The following PBX3 variants were observed in gnomAD, a reference collection of about 807,000 sequenced individuals.
The protein encoded by PBX3 is PBX homeobox 3.
PBX3 carries 14 observed loss-of-function variants against 48.5 expected under a neutral mutation model. That is an observed-to-expected ratio of 0.29 (90% CI 0.19 to 0.45). The LOEUF (loss-of-function observed/expected upper bound fraction) is 0.45, where lower values mean the gene tolerates loss of function less well. PBX3 is among the 20% of genes least tolerant of loss of function. The probability of loss-of-function intolerance (pLI) is 1.00; values close to 1 mark genes in which losing one functional copy is unlikely to be tolerated. For synonymous variants in PBX3, 210 were observed against 200.3 expected, an observed-to-expected ratio of 1.05 and a Z score of -0.41; for missense variants, 386 against 546.7, an observed-to-expected ratio of 0.71 and a Z score of 2.93.
intron 2 of PBX3, among the ~76,000 whole-genome samples, chr9:125,799,993 C>T (rs1044750724): frequency 1.1e-4 from 17 of 152,214 alleles, no homozygotes; most frequent in African/African-American, 4.1e-4. Context: ...TTCAGCAATG[C>T]TTATTATTGT....
At chr9:125,748,432 C>CA (rs1270831313) in intron 1 of PBX3, 118 bp from the exon 2 acceptor site, 45 of 1,502,024 alleles carry the variant, frequency 3.0e-5, no homozygotes, top group Non-Finnish European at 4.0e-5. Flanking sequence ...TCCCACGGTT[C>CA]AAAAGGGCCT....
intron 2 of PBX3, among the ~76,000 whole-genome samples, chr9:125,903,875 G>T (rs931277282): frequency 6.6e-6 from 1 of 151,858 alleles, no homozygotes; most frequent in South Asian, 2.1e-4. Context: ...CCTGCATCCA[G>T]TTCTAGCTTT....
chr9:125,866,950 T>C (rs571419239), intron 2 of PBX3, among the ~76,000 whole-genome samples: 1 of 152,346 alleles, frequency 6.6e-6, no homozygotes, highest in South Asian at 2.1e-4. Context: ...CATAAAGACG[T>C]GATTTTCATG....
At chr9:125,753,212 AAGTC>A (rs542630329) in intron 2 of PBX3, among the ~76,000 whole-genome samples, 40 of 152,266 alleles carry the variant, frequency 2.6e-4, no homozygotes, top group Middle Eastern at 6.8e-3. Context: ...GAAAAATACA[AAGTC>A]AGAGTATCTT....
intron 5 of PBX3, chr9:125,949,347 T>G: frequency 6.4e-7 from 1 of 1,550,416 alleles, no homozygotes; most frequent in Non-Finnish European, 8.7e-7. Flanking sequence ...TTGTCATCCA[T>G]TCAACCTACA....
chr9:125,857,905 T>G (rs1839763291), intron 2 of PBX3, among the ~76,000 whole-genome samples: 2 of 152,202 alleles, frequency 1.3e-5, no homozygotes, highest in African/African-American at 4.8e-5. Context: ...AGTAGGCACT[T>G]TTAAATTATG....
At chr9:125,951,158 A>G (rs993143524) in intron 5 of PBX3, among the ~76,000 whole-genome samples, 6 of 152,172 alleles carry the variant, frequency 3.9e-5, no homozygotes, top group Non-Finnish European at 7.3e-5. Context: ...GCCCTTTGCA[A>G]ATGGCTACTG....
At chr9:125,950,032 T>G (rs1842159123) in intron 5 of PBX3, among the ~76,000 whole-genome samples, 1 of 151,578 alleles carries the variant, frequency 6.6e-6, no homozygotes, top group South Asian at 2.1e-4. Context: ...TTGAGTTGTA[T>G]ACCTACCACA....
chr9:125,941,841 T>C (rs1841964900), intron 5 of PBX3, among the ~76,000 whole-genome samples: 1 of 152,230 alleles, frequency 6.6e-6, no homozygotes, highest in Non-Finnish European at 1.5e-5. Context: ...TTCAAGTTAC[T>C]AAGCTGTAAA....
chr9:125,768,481 A>T (rs1836858009), intron 2 of PBX3, among the ~76,000 whole-genome samples: 1 of 152,232 alleles, frequency 6.6e-6, no homozygotes, highest in South Asian at 2.1e-4. Context: ...AAAATCATAA[A>T]TCGATTATGT....
chr9:125,886,401 A>G (rs1840502694), intron 2 of PBX3, among the ~76,000 whole-genome samples: 1 of 152,110 alleles, frequency 6.6e-6, no homozygotes, highest in East Asian at 1.9e-4. Flanking sequence ...AGTTCTCAAA[A>G]CATTTCTAAT....
chr9:125,895,362 G>A (rs1840745216), intron 2 of PBX3, among the ~76,000 whole-genome samples: 1 of 152,090 alleles, frequency 6.6e-6, no homozygotes, highest in Non-Finnish European at 1.5e-5. Flanking sequence ...ATTCAGATGT[G>A]TAAGTAGCAC....
At chr9:125,884,779 G>A (rs541128091) in intron 2 of PBX3, among the ~76,000 whole-genome samples, 92 of 152,246 alleles carry the variant, frequency 6.0e-4, no homozygotes, top group African/African-American at 2.1e-3. Context: ...TTCCCTGTAA[G>A]TACCTTGTAA....
intron 2 of PBX3, among the ~76,000 whole-genome samples, chr9:125,829,432 A>G (rs1273972975): frequency 2.6e-5 from 4 of 152,234 alleles, no homozygotes; most frequent in Non-Finnish European, 4.4e-5. Flanking sequence ...TTATAATTAT[A>G]TGTATCATAT....
intron 2 of PBX3, among the ~76,000 whole-genome samples, chr9:125,839,132 A>G (rs533607684): frequency 3.4e-4 from 52 of 152,194 alleles, no homozygotes; most frequent in Non-Finnish European, 5.7e-4. Flanking sequence ...TTTACTTCTA[A>G]AATTTCTAAA....
intron 2 of PBX3, among the ~76,000 whole-genome samples, chr9:125,753,199 C>A (rs1453104351): frequency 6.6e-6 from 1 of 151,926 alleles, no homozygotes; most frequent in African/African-American, 2.4e-5. Flanking sequence ...AGTGATTAAA[C>A]AGGAAAAATA....
intron 2 of PBX3, among the ~76,000 whole-genome samples, chr9:125,864,137 T>A (rs1839926074): frequency 6.6e-6 from 1 of 152,228 alleles, no homozygotes; most frequent in South Asian, 2.1e-4. Context: ...TTTAAAATGA[T>A]GATATACTTT....
At chr9:125,932,600 C>T (rs1449308789) in intron 4 of PBX3, among the ~76,000 whole-genome samples, 1 of 151,952 alleles carries the variant, frequency 6.6e-6, no homozygotes, top group African/African-American at 2.4e-5. Context: ...CATCAGACGA[C>T]AAAAAACATT....
intron 3 of PBX3, among the ~76,000 whole-genome samples, chr9:125,921,736 G>A (rs757917057): frequency 3.9e-5 from 6 of 152,196 alleles, no homozygotes; most frequent in Admixed American, 2.0e-4. Context: ...GATTTAATAA[G>A]CATTCAGTAA....
Sources: gnomAD v4.1 joint callset for allele counts (sites outside exome capture counted in the v4.1 genomes callset) on GRCh38, gnomAD v4.1.1 for gene constraint, MANE v1.5 for transcripts, NCBI Gene and HGNC (gene_info 2026-07-23, HGNC 2026-07-21) for gene names.